PLEKHA8: variants seen among roughly 807,000 people sequenced by gnomAD.
The protein encoded by PLEKHA8 is pleckstrin homology domain containing A8, also known as pleckstrin homology domain-containing family A member 8.
Under a neutral mutation model 68.2 loss-of-function variants are expected in PLEKHA8, and 36 were observed. That is an observed-to-expected ratio of 0.53 (90% CI 0.40 to 0.70). PLEKHA8 has a LOEUF of 0.70. Ranked by LOEUF, PLEKHA8 falls within the 30% of genes least tolerant of loss-of-function variation. The pLI is 0.00. For missense variants in PLEKHA8, 505 were observed against 615.4 expected (o/e 0.82, Z 1.90); for synonymous variants, 211 against 216.1 (o/e 0.98, Z 0.20).
chr7:30,080,115 A>C lies in PLEKHA8; in HGVS notation c.*1328A>C, dbSNP rs760895447. On this transcript the variant is annotated 3_prime_UTR_variant, in exon 14 of 14. Coordinates refer to ENST00000449726, the MANE Select transcript of PLEKHA8 (RefSeq NM_001197026.2). ...CAAAAGTGCAGAGCAGGCAAAATGC[A>C]GCTGTTTATCAATCTCAAAAGCTTT... 3.4e-4 allele frequency: 333 copies of C among 985,308 alleles called. No homozygotes were observed. The highest frequency in any genetic ancestry group is 3.9e-4 in the Non-Finnish European group (325 of 829,928). The allele number at this position is 985,308 out of a possible 1,614,324, so 61.0% of individuals were successfully genotyped here.
chr7:30,065,859 C>T (rs1793812159), intron 12 of PLEKHA8, among the ~76,000 whole-genome samples: 1 of 152,186 alleles, frequency 6.6e-6, no homozygotes, highest in Non-Finnish European at 1.5e-5. Context: ...CGGTGGTTCT[C>T]AAGCTGTTCC....
At chr7:30,050,137 A>G (rs1325714807) in intron 5 of PLEKHA8, among the ~76,000 whole-genome samples, 1 of 152,222 alleles carries the variant, frequency 6.6e-6, no homozygotes, top group East Asian at 1.9e-4. Flanking sequence ...TAATGAGCAT[A>G]ACTGAAATTA....
At chr7:30,051,020 G>A (rs1209691046) in intron 6 of PLEKHA8, among the ~76,000 whole-genome samples, 3 of 151,948 alleles carry the variant, frequency 2.0e-5, no homozygotes, top group Non-Finnish European at 2.9e-5. Flanking sequence ...TTACCTCAGC[G>A]TCCCAAGTAG....
In PLEKHA8 at chr7:30,108,067, CAAAAAAA is replaced by C. The variant is rs796801365; in HGVS notation, c.1363-21180_1363-21174del. On this transcript the variant is annotated intron_variant, in intron 13 of 13. Transcript: ENST00000396257. ...CTGGGCAAAAAGCAAAACTCCATCTCAAAAAAAAAAAAAAAAAAAAAAAAACCTACAT... is the reference window on the plus strand; with the variant it reads ...CTGGGCAAAAAGCAAAACTCCATCTCAAAAAAAAAAAAAAAAAACCTACAT... Among the ~76,000 whole-genome samples the C allele has an allele frequency of 3.0e-4, 16 of 52,828 alleles. No individual in the cohort carries two copies. In the Admixed American group the frequency reaches 3.1e-3, roughly 10 times the overall value. The allele number at this position is 52,828 out of a possible 152,430, so 34.7% of individuals were successfully genotyped here.
intron 13 of PLEKHA8, among the ~76,000 whole-genome samples, chr7:30,101,128 T>C (rs1776482119): frequency 6.6e-6 from 1 of 150,972 alleles, no homozygotes; most frequent in South Asian, 2.1e-4. Context: ...AGGCAGAGAT[T>C]GCAGTGAGCC....
At chr7:30,043,021 T>TGTTTGTTTGTTTGTTC (rs1482659468) in intron 1 of PLEKHA8, among the ~76,000 whole-genome samples, 3 of 152,158 alleles carry the variant, frequency 2.0e-5, no homozygotes, top group Non-Finnish European at 2.9e-5. Flanking sequence ...TTTGTTTGTT[T>TGTTTGTTTGTTTGTTC]GTGACAAGGT....
downstream of PLEKHA8, among the ~76,000 whole-genome samples, chr7:30,085,094 G>C (rs1241702637): frequency 6.6e-6 from 1 of 151,796 alleles, no homozygotes; most frequent in Non-Finnish European, 1.5e-5. Flanking sequence ...ACAGGCATGT[G>C]CTACCATGTC....
At chr7:30,109,873 C>T (rs1796212633) in intron 13 of PLEKHA8, among the ~76,000 whole-genome samples, 3 of 151,802 alleles carry the variant, frequency 2.0e-5, no homozygotes, top group Non-Finnish European at 2.9e-5. Flanking sequence ...GTCTCAATCA[C>T]CCAGGTTGGT....
chr7:30,056,926 T>C (rs1392797109), intron 9 of PLEKHA8, among the ~76,000 whole-genome samples: 1 of 147,306 alleles, frequency 6.8e-6, no homozygotes, highest in Non-Finnish European at 1.5e-5. Context: ...ATTTTATATA[T>C]TATATATAAT....
chr7:30,093,040 T>G (rs1274581585), downstream of PLEKHA8, among the ~76,000 whole-genome samples: 1 of 152,192 alleles, frequency 6.6e-6, no homozygotes, highest in Middle Eastern at 3.2e-3. Context: ...ATGCCTTTGG[T>G]GAGGTTACCA....
downstream of PLEKHA8, among the ~76,000 whole-genome samples, chr7:30,088,370 A>G (rs1212403610): frequency 6.6e-6 from 1 of 152,192 alleles, no homozygotes; most frequent in African/African-American, 2.4e-5. Flanking sequence ...GAAGGACTCA[A>G]AAAACAAGCA....
chr7:30,051,393 A>G (rs1236816723), intron 6 of PLEKHA8, among the ~76,000 whole-genome samples: 1 of 147,148 alleles, frequency 6.8e-6, no homozygotes, highest in African/African-American at 2.6e-5. Flanking sequence ...AGGTTGAAAT[A>G]TGGTTTTTTT....
At chr7:30,035,639 C>CTTAT (rs923801200) in intron 1 of PLEKHA8, among the ~76,000 whole-genome samples, 85 of 151,622 alleles carry the variant, frequency 5.6e-4, no homozygotes, top group Non-Finnish European at 1.9e-4. Context: ...TTCTTATTTA[C>CTTAT]TTATTTATTT....
intron 13 of PLEKHA8, among the ~76,000 whole-genome samples, chr7:30,121,232 T>C (rs990067670): frequency 6.6e-6 from 1 of 152,046 alleles, no homozygotes; most frequent in African/African-American, 2.4e-5. Flanking sequence ...GGTCAGAAAG[T>C]GGCAGCTCAG....
downstream of PLEKHA8, among the ~76,000 whole-genome samples, chr7:30,091,906 C>A (rs1795427764): frequency 6.6e-6 from 1 of 152,186 alleles, no homozygotes; most frequent in Non-Finnish European, 1.5e-5. Flanking sequence ...CAAACCCAGC[C>A]ATCCAGAGAT....
rs970219970 is a variant in PLEKHA8 at position 30,056,830 on chromosome 7, TTA to T, written c.1039+1498_1039+1499del. Among the ~76,000 whole-genome samples, 43 of 145,644 alleles carry T rather than the reference TTA, an allele frequency of 3.0e-4. No homozygotes were observed. In the South Asian group the frequency reaches 5.3e-3, roughly 18 times the overall value. Reference sequence around the variant, plus strand: ...TATATATATGTTATGTATATATATGTTATATATATATTTAATAGATAAATATA... The same window carrying T: ...TATATATATGTTATGTATATATATGTTATATATATTTAATAGATAAATATA... On this transcript the variant is annotated intron_variant, in intron 9 of 13. Coordinates refer to ENST00000449726, the MANE Select transcript of PLEKHA8 (RefSeq NM_001197026.2).
chr7:30,079,310 G>T lies in PLEKHA8; in HGVS notation c.*523G>T. 1 of 987,598 alleles carries T rather than the reference G, an allele frequency of 1.0e-6. No individual in the cohort carries two copies. Among genetic ancestry groups the T allele is most frequent in the Non-Finnish European group, 1.2e-6 (1 of 831,436 alleles). 61.2% of individuals were successfully genotyped at this position (987,598 alleles called of 1,614,324 possible). ...GCAACTCTGTCAGTGATAAGGGCCTGTGTAGTAAAGATGTTCAGGGCATTC... is the reference window on the plus strand; with the variant it reads ...GCAACTCTGTCAGTGATAAGGGCCTTTGTAGTAAAGATGTTCAGGGCATTC... On this transcript the variant is annotated 3_prime_UTR_variant, in exon 14 of 14. Coordinates refer to ENST00000449726, the MANE Select transcript of PLEKHA8 (RefSeq NM_001197026.2).
intron 13 of PLEKHA8, among the ~76,000 whole-genome samples, chr7:30,102,125 A>G (rs2128012064): frequency 6.6e-6 from 1 of 152,308 alleles, no homozygotes; most frequent in African/African-American, 2.4e-5. Context: ...TAGGCAAAGG[A>G]CTTGAATAGA....
chr7:30,054,962 G>A lies in PLEKHA8; in HGVS notation c.953+97G>A, dbSNP rs563514444. 1.3e-5 allele frequency: 16 copies of A among 1,195,126 alleles called. No homozygotes were observed. In the East Asian group the frequency reaches 3.8e-4, roughly 28 times the overall value. The allele number at this position is 1,195,126 out of a possible 1,614,324, so 74.0% of individuals were successfully genotyped here. A position where few individuals can be genotyped will look rare whatever the true frequency, so the allele number is the denominator to read the frequency against. On this transcript the variant is annotated intron_variant, in intron 8 of 13. Transcript: ENST00000449726. ...CCTTTCAGGTGATGGCATATTCTAG[G>A]AGAATAGAGAATGTGGTATACCAAG...
Sources: allele counts gnomAD v4.1 joint callset (sites outside exome capture counted in the v4.1 genomes callset), GRCh38; gene constraint gnomAD v4.1.1; transcripts MANE v1.5; gene names NCBI Gene and HGNC (gene_info 2026-07-23, HGNC 2026-07-21).